The following TRMT44 variants were observed in gnomAD, a reference collection of about 807,000 sequenced individuals.
TRMT44 encodes the protein tRNA methyltransferase 44 homolog.
Under a neutral mutation model 77.3 loss-of-function variants are expected in TRMT44, and 78 were observed. The ratio of observed to expected loss-of-function variants is 1.01; its 90% CI spans 0.84 to 1.22. TRMT44 has a LOEUF of 1.22. Among genes scored for constraint, TRMT44 ranks in the 50% most tolerant of loss-of-function variants. TRMT44 has a pLI of 0.00. For missense variants in TRMT44, 1,090 were observed against 964.4 expected (o/e 1.13, Z -1.73); for synonymous variants, 391 against 383.3 (o/e 1.02, Z -0.23).
Position 8,441,425 on chromosome 4 carries a change from G to A in TRMT44, c.603G>A (p.Arg201=). 2.6e-6 allele frequency: 4 copies of A among 1,516,708 alleles called. No individual in the cohort carries two copies. The highest frequency in any genetic ancestry group is 3.5e-6 in the Non-Finnish European group (4 of 1,132,856). The allele number at this position is 1,516,708 out of a possible 1,614,324, so 94.0% of individuals were successfully genotyped here. A position where few individuals can be genotyped will look rare whatever the true frequency, so the allele number is the denominator to read the frequency against. Residue 201 remains arginine, a synonymous_variant, in exon 1 of 11, where the codon AGG becomes AGA. Transcript: ENST00000389737. ...ATTGCCCCCTTACAACTCCCAGGAG[G>A]GAAATAGTCGTGCAAGGTAAGAGTG... The part of the protein sequence containing the change: ...SPHCPLTTPR[R]EIVVQDVLNG...
intron 6 of TRMT44, among the ~76,000 whole-genome samples, chr4:8,459,569 A>G (rs964942675): frequency 1.3e-5 from 2 of 152,234 alleles, no homozygotes; most frequent in African/African-American, 4.8e-5. Flanking sequence ...TGTGTAAATC[A>G]TAGTCCACTT....
intron 2 of TRMT44, among the ~76,000 whole-genome samples, chr4:8,483,430 G>T (rs901759114): frequency 4.6e-5 from 7 of 151,934 alleles, no homozygotes; most frequent in African/African-American, 9.7e-5. Context: ...GGGGGGGCAC[G>T]GTCTAAGTTG....
At chr4:8,516,733 G>A in the TRMT44 span, among the ~76,000 whole-genome samples, 24 of 152,194 alleles carry the variant, frequency 1.6e-4, no homozygotes, top group East Asian at 3.7e-3. Flanking sequence ...AGCCAAGATC[G>A]CACCATTGCA....
intron 10 of TRMT44, among the ~76,000 whole-genome samples, chr4:8,474,635 G>GTT (rs1335878971): frequency 6.6e-6 from 1 of 152,242 alleles, no homozygotes; most frequent in Non-Finnish European, 1.5e-5. Flanking sequence ...ACACTTTCAA[G>GTT]TTCTCTTTGG....
Position 8,441,348 on chromosome 4 carries a change from C to T in TRMT44, c.526C>T (p.Gln176Ter). The T allele has an allele frequency of 6.5e-7, 1 of 1,535,234 alleles. No homozygotes were observed. The highest frequency in any genetic ancestry group is 8.7e-7 in the Non-Finnish European group (1 of 1,146,420). Residue 176 changes from glutamine (Q) to a stop codon, truncating the protein, a stop_gained, in exon 1 of 11, where the codon CAG becomes TAG. Coordinates refer to ENST00000389737, the MANE Select transcript of TRMT44 (RefSeq NM_152544.3). LOFTEE classifies it high-confidence loss of function. ...CGGGGCGGGATCGCAGCCAGAGGCG[C>T]AGCGTGAGCTCGACGTGGTTCTCAG... The part of the protein sequence containing the change: ...SSGAGSQPEA[Q>*]RELDVVLRTV...
Position 8,468,011 on chromosome 4 carries a change from C to A in TRMT44, c.1592C>A (p.Pro531His). The A allele has an allele frequency of 6.2e-7, 1 of 1,614,066 alleles. No individual in the cohort carries two copies. Among genetic ancestry groups the A allele is most frequent in the Non-Finnish European group, 8.5e-7 (1 of 1,180,040 alleles). ...TQYIKSRRGC[P>H]VSPPGWELSP... is the part of the protein sequence containing the mutation. ...TACATTAAGAGCAGGCGGGGCTGCCCTGTAAGCCCACCTGGCTGGGAGCTT... is the reference window on the plus strand; with the variant it reads ...TACATTAAGAGCAGGCGGGGCTGCCATGTAAGCCCACCTGGCTGGGAGCTT... Residue 531 changes from proline to histidine, a missense_variant, in exon 9 of 11, where the codon CCT becomes CAT. Pro to His is a moderately conservative substitution (Grantham distance 77, BLOSUM62 -2). Transcript: ENST00000389737.
intron 9 of TRMT44, 31 bp from the exon 10 acceptor site, chr4:8,471,053 T>A (rs1242681679): frequency 2.0e-6 from 3 of 1,500,870 alleles, no homozygotes; most frequent in Non-Finnish European, 2.7e-6. Flanking sequence ...TGCTGTTGTT[T>A]TGGGGAAAAA....
At chr4:8,447,583 C>T (rs1395611015) in intron 2 of TRMT44, among the ~76,000 whole-genome samples, 3 of 152,222 alleles carry the variant, frequency 2.0e-5, no homozygotes, top group Non-Finnish European at 2.9e-5. Flanking sequence ...CCTCTGTCTA[C>T]TCACCTTGAA....
intron 2 of TRMT44, among the ~76,000 whole-genome samples, chr4:8,490,750 C>G (rs866852542): frequency 1.3e-5 from 2 of 152,146 alleles, no homozygotes; most frequent in Admixed American, 6.5e-5. Flanking sequence ...GAAGGGGCCC[C>G]GAGCGGGTTG....
In TRMT44 at chr4:8,464,034, G is replaced by A. The variant is rs780155008; in HGVS notation, c.1253G>A (p.Trp418Ter). ...AAGACCCTTTTCCCTGATGTTGATT[G>A]GTTAATCGGTAACCATTCTGATGAA... is the stretch of plus-strand genomic sequence containing the variant. ...NDKTLFPDVD[W>*]LIGNHSDELT... The change falls in exon 7 of 11, where the codon TGG becomes TAG. Residue 418 changes from tryptophan to a stop codon, truncating the protein, a stop_gained. Coordinates refer to ENST00000389737, the MANE Select transcript of TRMT44 (RefSeq NM_152544.3). LOFTEE classifies it high-confidence loss of function. 1.9e-6 allele frequency: 3 copies of A among 1,614,076 alleles called. No homozygotes were observed. The highest frequency in any genetic ancestry group is 3.3e-4 in the Middle Eastern group (2 of 6,062).
At chr4:8,501,659 G>T in the TRMT44 span, among the ~76,000 whole-genome samples, 12 of 152,146 alleles carry the variant, frequency 7.9e-5, no homozygotes, top group Non-Finnish European at 1.8e-4. The surrounding 1 kb of genome is among the most constrained non-coding windows in gnomAD (Gnocchi z 4.4). Context: ...GATGTTTTTG[G>T]ACTCTTCCTC....
the TRMT44 span, among the ~76,000 whole-genome samples, chr4:8,503,226 C>T: frequency 3.1e-4 from 47 of 152,336 alleles, no homozygotes; most frequent in African/African-American, 9.4e-4. Context: ...GGTGTTCTCC[C>T]GCTCTGCACA....
At chr4:8,512,367 C>A in the TRMT44 span, 1 of 152,096 alleles carries the variant, frequency 6.6e-6, no homozygotes, top group Non-Finnish European at 1.5e-5. Context: ...ACACCCAGGC[C>A]CATTGTTTTT....
intron 2 of TRMT44, among the ~76,000 whole-genome samples, chr4:8,491,346 A>G (rs1245696831): frequency 2.6e-5 from 4 of 152,216 alleles, no homozygotes; most frequent in African/African-American, 9.6e-5. Context: ...AGGTGGCTTC[A>G]CCTAGTGGAT....
chr4:8,479,714 A>G (rs540716962), downstream of TRMT44, among the ~76,000 whole-genome samples: 25 of 152,154 alleles, frequency 1.6e-4, no homozygotes, highest in Non-Finnish European at 2.6e-4. Context: ...TGAACAACAC[A>G]CTTAGGCCAC....
chr4:8,494,199 A>T (rs1001084082), downstream of TRMT44, among the ~76,000 whole-genome samples: 1 of 151,964 alleles, frequency 6.6e-6, no homozygotes, highest in African/African-American at 2.4e-5. Flanking sequence ...CCTAAATAAG[A>T]TGGCTGCATA....
At chr4:8,459,129 G>A (rs1725993854) in intron 6 of TRMT44, among the ~76,000 whole-genome samples, 1 of 152,180 alleles carries the variant, frequency 6.6e-6, no homozygotes, top group Non-Finnish European at 1.5e-5. Flanking sequence ...CTGAGTTTGG[G>A]AGGTTGAGAC....
chr4:8,476,975 A>C (rs1261199019), downstream of TRMT44: 1 of 152,246 alleles, frequency 6.6e-6, no homozygotes, highest in Non-Finnish European at 1.5e-5. Context: ...TCTTGGGTTC[A>C]TGCAGTCCTC....
At chr4:8,459,732 C>T (rs1005854343) in intron 6 of TRMT44, among the ~76,000 whole-genome samples, 8 of 152,208 alleles carry the variant, frequency 5.3e-5, no homozygotes, top group Non-Finnish European at 1.2e-4. Context: ...CAGCTGTACA[C>T]ATTTATCACA....
Sources: allele counts gnomAD v4.1 joint callset (sites outside exome capture counted in the v4.1 genomes callset), GRCh38; gene constraint gnomAD v4.1.1; non-coding constraint Gnocchi (gnomAD v3.1); transcripts MANE v1.5; gene names NCBI Gene and HGNC (gene_info 2026-07-23, HGNC 2026-07-21).